RFTN2: variants seen among roughly 807,000 people sequenced by gnomAD.
The protein encoded by RFTN2 is raftlin-2.
A neutral mutation model predicts 52.7 loss-of-function variants in RFTN2; 34 were observed. The ratio of observed to expected loss-of-function variants is 0.64; its 90% CI spans 0.49 to 0.86. RFTN2 has a LOEUF of 0.86. Among genes scored for constraint, RFTN2 ranks in the 40% least tolerant of loss-of-function variants. RFTN2 has a pLI of 0.00. For missense variants in RFTN2, 536 were observed against 600.1 expected (o/e 0.89, Z 1.12); for synonymous variants, 203 against 217.7 (o/e 0.93, Z 0.59).
intron 5 of RFTN2, among the ~76,000 whole-genome samples, chr2:197,622,283 A>C (rs1411574882): frequency 6.6e-6 from 1 of 152,196 alleles, no homozygotes; most frequent in Non-Finnish European, 1.5e-5. Flanking sequence ...GTGGCTGCAC[A>C]AAACTACAGA....
rs2087300646 is a variant in RFTN2 at position 197,570,635 on chromosome 2, CA to C, written c.*1372del. On this transcript the variant is annotated 3_prime_UTR_variant, in exon 9 of 9. Coordinates refer to ENST00000295049, the MANE Select transcript of RFTN2 (RefSeq NM_144629.3). ...GTTCCAGCTAATCTGGAGGCTGAGG[CA>C]GGAGAATCGCTTGAAGCCAGGAGGT... 1 of 152,162 alleles carries C rather than the reference CA, an allele frequency of 6.6e-6. No individual in the cohort carries two copies. Among genetic ancestry groups the C allele is most frequent in the South Asian group, 2.1e-4 (1 of 4,830 alleles). 9.4% of individuals were successfully genotyped at this position (152,162 alleles called of 1,614,324 possible).
rs1487405691 is a variant in RFTN2, at chr2:197,670,694, A to G, written c.139+4626T>C. On this transcript the variant is annotated intron_variant, in intron 1 of 8. Transcript: ENST00000295049. ...TGTCTCAAAAAAAAAATCTATTTCA[A>G]TTCCTTCTTGAAATTTTCACAGTCA... Among the ~76,000 whole-genome samples the G allele has an allele frequency of 4.0e-5, 6 of 151,738 alleles. No individual in the cohort carries two copies. The East Asian group carries it at 1.2e-3, about 29-fold the overall frequency.
At chr2:197,660,436 A>G (rs979252027) in intron 1 of RFTN2, among the ~76,000 whole-genome samples, 1 of 152,208 alleles carries the variant, frequency 6.6e-6, no homozygotes, top group African/African-American at 2.4e-5. Flanking sequence ...TTGAAGTAAT[A>G]TAACTGCAGT....
chr2:197,593,061 T>C (rs2087743090), intron 8 of RFTN2, among the ~76,000 whole-genome samples: 1 of 152,226 alleles, frequency 6.6e-6, no homozygotes, highest in South Asian at 2.1e-4. Flanking sequence ...AATGAAGAAA[T>C]GGTAAATCCG....
chr2:197,603,056 C>T (rs116304876), intron 7 of RFTN2, among the ~76,000 whole-genome samples: 2,238 of 152,268 alleles, frequency 0.015, 48 homozygotes, highest in African/African-American at 0.051. Flanking sequence ...GGGAACATCA[C>T]ACAGTGGGGA....
chr2:197,588,544 G>A (rs2087638654), intron 8 of RFTN2, among the ~76,000 whole-genome samples: 1 of 152,130 alleles, frequency 6.6e-6, no homozygotes, highest in Admixed American at 6.6e-5. Context: ...TTAATTGTAT[G>A]GATGTACCAC....
Position 197,645,023 on chromosome 2 carries a change from C to G in RFTN2, c.324-751G>C, listed in dbSNP as rs377586819. 1.3e-4 allele frequency among the ~76,000 whole-genome samples: 20 copies of G among 152,206 alleles called. No individual in the cohort carries two copies. The East Asian group carries it at 2.3e-3, about 18-fold the overall frequency. Reference sequence around the variant, plus strand: ...CTTTCATTTTTCCTTCTCTGCTTAGCCCTCTCTTAAAGTGATTGTTGTTGA... The same window carrying G: ...CTTTCATTTTTCCTTCTCTGCTTAGGCCTCTCTTAAAGTGATTGTTGTTGA... On this transcript the variant is annotated intron_variant, in intron 2 of 8. Coordinates refer to ENST00000295049, the MANE Select transcript of RFTN2 (RefSeq NM_144629.3).
chr2:197,628,441 G>C (rs2088405116), intron 5 of RFTN2, among the ~76,000 whole-genome samples: 1 of 152,224 alleles, frequency 6.6e-6, no homozygotes, highest in Admixed American at 6.5e-5. Flanking sequence ...AAGCCACACA[G>C]AGCCTGGCTG....
At chr2:197,662,884 C>T (rs2088998936) in intron 1 of RFTN2, among the ~76,000 whole-genome samples, 1 of 152,096 alleles carries the variant, frequency 6.6e-6, no homozygotes, top group African/African-American at 2.4e-5. Context: ...CCATGGCCTC[C>T]CAAACTGCTG....
chr2:197,652,315 C>T (rs980362002), intron 1 of RFTN2, among the ~76,000 whole-genome samples: 6 of 152,164 alleles, frequency 3.9e-5, no homozygotes, highest in African/African-American at 1.4e-4. Flanking sequence ...TCAAACTTAG[C>T]AGAATGGGTG....
At chr2:197,657,259 C>T (rs2088907354) in intron 1 of RFTN2, among the ~76,000 whole-genome samples, 1 of 152,192 alleles carries the variant, frequency 6.6e-6, no homozygotes. Flanking sequence ...ATATTTAATA[C>T]TGTCCATCCC....
intron 8 of RFTN2, among the ~76,000 whole-genome samples, chr2:197,575,768 A>AAT (rs1402186020): frequency 1.7e-5 from 2 of 115,332 alleles, no homozygotes; most frequent in African/African-American, 6.3e-5. Flanking sequence ...TTATATATAT[A>AAT]ATATATATTC....
At chr2:197,671,990 T>C (rs1461420166) in intron 1 of RFTN2, among the ~76,000 whole-genome samples, 8 of 152,216 alleles carry the variant, frequency 5.3e-5, no homozygotes, top group Admixed American at 5.2e-4. Flanking sequence ...CTCATATACA[T>C]ACATCATATG....
At chr2:197,577,774 CAG>C (rs569369642) in intron 8 of RFTN2, among the ~76,000 whole-genome samples, 145 of 152,304 alleles carry the variant, frequency 9.5e-4, no homozygotes, top group Non-Finnish European at 1.8e-3. Flanking sequence ...CCCGACTTTT[CAG>C]AGTCATTACT....
intron 8 of RFTN2, among the ~76,000 whole-genome samples, chr2:197,577,593 G>A (rs1034973465): frequency 2.0e-5 from 3 of 152,228 alleles, no homozygotes; most frequent in Admixed American, 6.5e-5. Flanking sequence ...TTTGGCTTCA[G>A]ATACGGCTGA....
chr2:197,648,801 A>G (rs1414004231), intron 1 of RFTN2, among the ~76,000 whole-genome samples: 1 of 151,930 alleles, frequency 6.6e-6, no homozygotes, highest in African/African-American at 2.4e-5. Context: ...TGAACCTGCC[A>G]CTCTGTTTCA....
At chr2:197,581,501 C>G (rs2087509475) in intron 8 of RFTN2, among the ~76,000 whole-genome samples, 1 of 152,202 alleles carries the variant, frequency 6.6e-6, no homozygotes, top group African/African-American at 2.4e-5. Context: ...TTACTTCAGC[C>G]AAGCTCTTTC....
chr2:197,672,478 G>A (rs2089160648), intron 1 of RFTN2, among the ~76,000 whole-genome samples: 1 of 152,196 alleles, frequency 6.6e-6, no homozygotes, highest in Admixed American at 6.5e-5. Context: ...CAATAGGTTG[G>A]TCAAAAAGCA....
At chr2:197,668,243 A>C (rs1018405384) in intron 1 of RFTN2, among the ~76,000 whole-genome samples, 36 of 152,200 alleles carry the variant, frequency 2.4e-4, no homozygotes, top group African/African-American at 8.2e-4. Flanking sequence ...GTGCTCTGGC[A>C]TGTTGAGGGG....
Sources: gnomAD v4.1 joint callset for allele counts (sites outside exome capture counted in the v4.1 genomes callset) on GRCh38, gnomAD v4.1.1 for gene constraint, MANE v1.5 for transcripts, NCBI Gene and HGNC (gene_info 2026-07-23, HGNC 2026-07-21) for gene names.